Variants in TIAM1 observed in about 807,000 individuals in gnomAD.
TIAM1 encodes the protein rho guanine nucleotide exchange factor TIAM1.
Under a neutral mutation model 163.5 loss-of-function variants are expected in TIAM1, and 65 were observed. That is an observed-to-expected ratio of 0.40 (90% CI 0.33 to 0.49). TIAM1 has a LOEUF of 0.49. Ranked by LOEUF, TIAM1 falls within the 20% of genes least tolerant of loss-of-function variation. The probability of loss-of-function intolerance (pLI) is 0.77; values close to 1 mark genes in which losing one functional copy is unlikely to be tolerated. For synonymous variants in TIAM1, 833 were observed against 810.1 expected (o/e 1.03, Z -0.48); for missense variants, 1,789 against 2,044.7 (o/e 0.87, Z 2.41).
rs2084301381 is a variant in TIAM1 at position 31,167,674 on chromosome 21, G to A, written c.2888-2609C>T. ...GTGTTAGCAGGGGGACAATTCTTTT[G>A]GGACAGAATTGTGCACTTCGTAGGT... On this transcript the variant is annotated intron_variant, in intron 15 of 27. Coordinates refer to ENST00000541036, the MANE Select transcript of TIAM1 (RefSeq NM_001353694.2). Among the ~76,000 whole-genome samples the A allele has an allele frequency of 2.0e-5, 3 of 152,030 alleles. No individual in the cohort carries two copies. The South Asian group carries it at 6.2e-4, about 32-fold the overall frequency.
intron 13 of TIAM1, among the ~76,000 whole-genome samples, chr21:31,188,915 A>G (rs1419194507): frequency 2.0e-5 from 3 of 151,924 alleles, no homozygotes; most frequent in Non-Finnish European, 4.4e-5. Context: ...CCTGTGGGGT[A>G]CCAGGAAACA....
chr21:31,247,539 C>A (rs968823040), intron 5 of TIAM1, among the ~76,000 whole-genome samples: 1 of 151,762 alleles, frequency 6.6e-6, no homozygotes, highest in African/African-American at 2.4e-5. Flanking sequence ...GAACTACAGG[C>A]ATATACAACC....
chr21:31,199,837 A>G (rs953150315), intron 12 of TIAM1, among the ~76,000 whole-genome samples: 2 of 151,328 alleles, frequency 1.3e-5, no homozygotes, highest in Admixed American at 1.3e-4. Context: ...GCCAGCCTAG[A>G]ACACTTGTCT....
intron 3 of TIAM1, among the ~76,000 whole-genome samples, chr21:31,268,843 T>C (rs1393831386): frequency 6.6e-6 from 1 of 152,230 alleles, no homozygotes; most frequent in Non-Finnish European, 1.5e-5. Context: ...CTAAAGGCTT[T>C]GACCAATGCC....
At chr21:31,483,977 T>C (rs2046195030) in intron 1 of TIAM1, among the ~76,000 whole-genome samples, 1 of 152,294 alleles carries the variant, frequency 6.6e-6, no homozygotes, top group East Asian at 1.9e-4. Context: ...ACCTGAAATG[T>C]GATGGCCTTT....
intron 3 of TIAM1, among the ~76,000 whole-genome samples, chr21:31,275,360 AT>A (rs370514210): frequency 3.0e-4 from 46 of 151,574 alleles, no homozygotes; most frequent in South Asian, 6.3e-4. Flanking sequence ...AAGTCACCGA[AT>A]TTTTTTTTAC....
chr21:31,494,701 G>C (rs2046582326), intron 1 of TIAM1, among the ~76,000 whole-genome samples: 1 of 152,076 alleles, frequency 6.6e-6, no homozygotes, highest in African/African-American at 2.4e-5. Flanking sequence ...GAATTAGCCG[G>C]GTGTGGTGGC....
At chr21:31,210,748 GAGAAAGAAAGAA>G (rs1272829774) in intron 10 of TIAM1, among the ~76,000 whole-genome samples, 2,760 of 59,814 alleles carry the variant, frequency 0.046, 111 homozygotes, top group South Asian at 0.059. Flanking sequence ...GGAAGGAAGG[GAGAAAGAAAGAA>G]AGAAAGAAAG....
In TIAM1 at chr21:31,225,711, CG is replaced by C. The variant is rs1201836491; in HGVS notation, c.1809+14del. Reference sequence around the variant, plus strand: ...TAACAATTTTGTCCGGACCTAAACACGGAAGAACGATTACCTGATCTAATAT... The same window carrying C: ...TAACAATTTTGTCCGGACCTAAACACGAAGAACGATTACCTGATCTAATAT... On this transcript the variant is annotated intron_variant, in intron 7 of 27. Coordinates refer to ENST00000541036, the MANE Select transcript of TIAM1 (RefSeq NM_001353694.2). 1 of 1,598,922 alleles carries C rather than the reference CG, an allele frequency of 6.3e-7. No homozygotes were observed. Among genetic ancestry groups the C allele is most frequent in the African/African-American group, 1.3e-5 (1 of 74,324 alleles).
chr21:31,132,566 C>G (rs66860602), intron 23 of TIAM1, among the ~76,000 whole-genome samples: 12,679 of 152,222 alleles, frequency 0.083, 548 homozygotes, highest in Non-Finnish European at 0.095. Flanking sequence ...CCCAATGACT[C>G]TAATCTCAGA....
intron 2 of TIAM1, among the ~76,000 whole-genome samples, chr21:31,331,963 G>A (rs976687434): frequency 6.6e-6 from 1 of 152,128 alleles, no homozygotes; most frequent in African/African-American, 2.4e-5. Flanking sequence ...AACATAATCC[G>A]TGTCTAACAT....
intron 6 of TIAM1, among the ~76,000 whole-genome samples, chr21:31,228,028 G>A (rs1446630725): frequency 3.3e-5 from 5 of 150,504 alleles, no homozygotes; most frequent in East Asian, 1.9e-4. Context: ...TCAGCCTCCC[G>A]AGTAGCTGGG....
rs146049242 is a variant in TIAM1, at chr21:31,438,160, G to A, written c.-369+25823C>T. ...ATGTTACTAGGCCACACATACATAT[G>A]TAATTGCGTATTTGTGATCTTTTTT... On this transcript the variant is annotated intron_variant, in intron 2 of 28. Transcript: ENST00000286827. Among the ~76,000 whole-genome samples the A allele has an allele frequency of 2.8e-3, 350 of 124,010 alleles. 3 individuals carry two copies. Among genetic ancestry groups the A allele is most frequent in the African/African-American group, 0.01 (339 of 32,322 alleles). The allele number at this position is 124,010 out of a possible 152,430, so 81.4% of individuals were successfully genotyped here.
chr21:31,169,848 G>A (rs540717871), intron 15 of TIAM1, among the ~76,000 whole-genome samples: 2 of 151,972 alleles, frequency 1.3e-5, no homozygotes, highest in South Asian at 4.2e-4. Context: ...TTTTATGCAA[G>A]AGGGAACTAG....
At chr21:31,397,765 A>G (rs899099113) in intron 2 of TIAM1, among the ~76,000 whole-genome samples, 1 of 152,208 alleles carries the variant, frequency 6.6e-6, no homozygotes, top group Non-Finnish European at 1.5e-5. Context: ...ATTCCATTCC[A>G]GAAGTCAGAA....
At chr21:31,218,759 G>A (rs990704230) in intron 8 of TIAM1, among the ~76,000 whole-genome samples, 4 of 152,010 alleles carry the variant, frequency 2.6e-5, no homozygotes, top group African/African-American at 4.8e-5. Context: ...TATTCTTTCC[G>A]CTATCCTATC....
intron 5 of TIAM1, among the ~76,000 whole-genome samples, chr21:31,247,717 TA>T (rs1180929239): frequency 6.6e-6 from 1 of 152,140 alleles, no homozygotes; most frequent in Non-Finnish European, 1.5e-5. Context: ...GTTTGGGGTT[TA>T]AAAGTTGCAT....
intron 2 of TIAM1, among the ~76,000 whole-genome samples, chr21:31,460,162 A>G (rs2045270538): frequency 6.6e-6 from 1 of 152,146 alleles, no homozygotes; most frequent in Admixed American, 6.5e-5. Context: ...GCCACTGCCC[A>G]TTTTAAGGAG....
intron 1 of TIAM1, among the ~76,000 whole-genome samples, chr21:31,554,245 G>C (rs139444127): frequency 2.4e-4 from 36 of 152,198 alleles, no homozygotes; most frequent in South Asian, 6.2e-4. Flanking sequence ...TCCAAGCTTG[G>C]ACACTCAGCC....
Sources: allele counts gnomAD v4.1 joint callset (sites outside exome capture counted in the v4.1 genomes callset), GRCh38; gene constraint gnomAD v4.1.1; transcripts MANE v1.5; gene names NCBI Gene and HGNC (gene_info 2026-07-23, HGNC 2026-07-21).